The following KDM3A variants were observed in gnomAD, a reference collection of about 807,000 sequenced individuals.
The protein encoded by KDM3A is lysine demethylase 3A, also known as lysine-specific demethylase 3A.
Under a neutral mutation model 158.0 loss-of-function variants are expected in KDM3A, and 60 were observed. The observed-to-expected ratio is 0.38, with a 90% CI of 0.31 to 0.47. The LOEUF (loss-of-function observed/expected upper bound fraction) is 0.47. Among genes scored for constraint, KDM3A ranks in the 20% least tolerant of loss-of-function variants. KDM3A has a pLI of 0.99. For synonymous variants in KDM3A, 608 were observed against 549.3 expected, an observed-to-expected ratio of 1.11 and a Z score of -1.49; for missense variants, 1,319 against 1,574.3, an observed-to-expected ratio of 0.84 and a Z score of 2.74.
chr2:86,460,510 TG>T (rs1394735717), intron 8 of KDM3A, among the ~76,000 whole-genome samples: 2 of 152,210 alleles, frequency 1.3e-5, no homozygotes, highest in Non-Finnish European at 2.9e-5. Context: ...TGTGTTGGAC[TG>T]GCACTTTTAG....
chr2:86,449,241 T>C (rs1453437010), intron 2 of KDM3A, among the ~76,000 whole-genome samples: 1 of 152,218 alleles, frequency 6.6e-6, no homozygotes, highest in East Asian at 1.9e-4. Flanking sequence ...ACAAGTAGTT[T>C]AAGACTCCAA....
At position 86,458,184 on chromosome 2, in the gene KDM3A, C is replaced by T. The variant is rs1436029408; in HGVS notation, c.843+1113C>T. 3.3e-5 allele frequency among the ~76,000 whole-genome samples: 5 copies of T among 152,142 alleles called. No homozygotes were observed. In the East Asian group the frequency reaches 9.6e-4, roughly 29 times the overall value. On this transcript the variant is annotated intron_variant, in intron 8 of 25. Transcript: ENST00000312912. The stretch of plus-strand genomic sequence containing the variant: ...TTAAGGGCAGACTGGACTACAGCAT[C>T]GACTAGAACCAAAGCTAGCACTGTG...
At position 86,478,222 on chromosome 2, in the gene KDM3A, T is replaced by C. The variant is rs774425944; in HGVS notation, c.2145T>C (p.His715=). 6.2e-7 allele frequency: 1 copy of C among 1,614,074 alleles called. No homozygotes were observed. Among genetic ancestry groups the C allele is most frequent in the Non-Finnish European group, 8.5e-7 (1 of 1,179,896 alleles). The stretch of plus-strand genomic sequence containing the variant: ...TAAAATGTGTGAAGAGTCAGATACA[T>C]GAACCAGAGAACTTAATGCCCACAC... ...SWLKCVKSQI[H]EPENLMPTQI... is the part of the protein sequence containing the mutation. Residue 715 remains histidine (H), a synonymous_variant, in exon 14 of 26, where the codon CAT becomes CAC. Coordinates refer to ENST00000312912, the MANE Select transcript of KDM3A (RefSeq NM_018433.6).
rs547724608 is a variant in KDM3A at position 86,441,981 on chromosome 2, G to C, written c.-30-37G>C. ...GTCTCCGCCCGGCCCCCTCCCACCG[G>C]CCGCCCCCGTCGCATTTTGTTTTTG... On this transcript the variant is annotated intron_variant, in intron 1 of 25. Transcript: ENST00000312912. 5 of 1,555,930 alleles carry C rather than the reference G, an allele frequency of 3.2e-6. No individual in the cohort carries two copies. The South Asian group carries it at 5.6e-5, about 17-fold the overall frequency.
intron 12 of KDM3A, 64 bp downstream of exon 12, chr2:86,475,054 C>T (rs1346465457): frequency 1.5e-5 from 19 of 1,279,666 alleles, no homozygotes; most frequent in Non-Finnish European, 2.1e-5. Flanking sequence ...CTAAGTGACA[C>T]CTAAGTCCTA....
At chr2:86,461,660 A>C (rs1672936250) in intron 8 of KDM3A, among the ~76,000 whole-genome samples, 1 of 152,218 alleles carries the variant, frequency 6.6e-6, no homozygotes, top group Non-Finnish European at 1.5e-5. Flanking sequence ...GAAAAATGAT[A>C]AAGAGTAAGG....
Position 86,489,454 on chromosome 2 carries a change from A to G in KDM3A, c.3433+17A>G. The G allele has an allele frequency of 1.9e-6, 3 of 1,613,164 alleles. No homozygotes were observed. Among genetic ancestry groups the G allele is most frequent in the Non-Finnish European group, 2.5e-6 (3 of 1,179,612 alleles). On this transcript the variant is annotated intron_variant, in intron 22 of 25. Transcript: ENST00000312912. ...AAGAAGAAGGTAGGGTGCTGAGCAT[A>G]AAAGGAGGGCTTACTCTTTGAGCCA...
At chr2:86,481,738 G>C (rs903011309) in intron 16 of KDM3A, among the ~76,000 whole-genome samples, 192 bp from the exon 17 acceptor site, 1 of 152,106 alleles carries the variant, frequency 6.6e-6, no homozygotes, top group Non-Finnish European at 1.5e-5. Flanking sequence ...CCATTGTACT[G>C]GATAGTTATT....
chr2:86,482,240 G>C (rs560745771), intron 17 of KDM3A, 138 bp downstream of exon 17: 1 of 1,186,844 alleles, frequency 8.4e-7, no homozygotes, highest in African/African-American at 1.5e-5. Context: ...TGAGTCACTG[G>C]AGGATGGGTT....
intron 8 of KDM3A, among the ~76,000 whole-genome samples, chr2:86,462,199 G>A (rs1672959343): frequency 6.8e-6 from 1 of 146,874 alleles, no homozygotes; most frequent in Non-Finnish European, 1.5e-5. Flanking sequence ...ATTAGATGGA[G>A]GGTTTTTTTT....
intron 9 of KDM3A, among the ~76,000 whole-genome samples, chr2:86,464,760 A>G (rs1485382042): frequency 6.6e-6 from 1 of 152,258 alleles, no homozygotes; most frequent in Admixed American, 6.5e-5. Context: ...AGTAGGTACA[A>G]GGTTGACAGA....
chr2:86,489,716 C>G, intron 23 of KDM3A, 57 bp downstream of exon 23: 1 of 1,541,246 alleles, frequency 6.5e-7, no homozygotes, highest in South Asian at 1.2e-5. Flanking sequence ...TATTATGTTA[C>G]TACATGTGGT....
intron 2 of KDM3A, among the ~76,000 whole-genome samples, chr2:86,447,288 CTTTTT>C (rs751507169): frequency 7.4e-6 from 1 of 135,660 alleles, no homozygotes; most frequent in African/African-American, 2.7e-5. Flanking sequence ...AGGAGGTAAA[CTTTTT>C]TTTTTTTTTT....
At chr2:86,439,027 A>G (rs1682544122), upstream of KDM3A, among the ~76,000 whole-genome samples, 1 of 151,870 alleles carries the variant, frequency 6.6e-6, no homozygotes, top group African/African-American at 2.4e-5. Context: ...TTTCGTTCAT[A>G]TGTGTGTGGG....
At chr2:86,485,501 C>A (rs545067812) in intron 20 of KDM3A, among the ~76,000 whole-genome samples, 1 of 152,306 alleles carries the variant, frequency 6.6e-6, no homozygotes, top group Non-Finnish European at 1.5e-5. Context: ...TTGCTGAGAT[C>A]TTTTGTCTGA....
At position 86,455,193 on chromosome 2, in the gene KDM3A, T is replaced by C. The variant is rs749048694; in HGVS notation, c.556+6T>C. On this transcript the variant is annotated splice_donor_region_variant and intron_variant, in intron 5 of 25. Coordinates refer to ENST00000312912, the MANE Select transcript of KDM3A (RefSeq NM_018433.6). ...TGAAAGCCATCTTTTAAAAGGTATA[T>C]GCATTATCTAGTGGTGATAGTTCAC... is the stretch of plus-strand genomic sequence containing the variant. The C allele has an allele frequency of 7.4e-6, 11 of 1,486,756 alleles. 1 individual carries two copies. In the East Asian group the frequency reaches 2.5e-4, roughly 34 times the overall value. The allele number at this position is 1,486,756 out of a possible 1,614,324, so 92.1% of individuals were successfully genotyped here.
At chr2:86,467,778 T>C (rs1439986134) in intron 10 of KDM3A, among the ~76,000 whole-genome samples, 5 of 152,208 alleles carry the variant, frequency 3.3e-5, no homozygotes, top group African/African-American at 1.2e-4. Context: ...CCTAATACTT[T>C]GGGAGACCAC....
intron 15 of KDM3A, 154 bp from the exon 16 acceptor site, chr2:86,480,013 T>C: frequency 1.6e-6 from 1 of 626,792 alleles, no homozygotes; most frequent in Non-Finnish European, 2.8e-6. Flanking sequence ...TAGTGCGGGA[T>C]TACTGCAGCT....
At chr2:86,446,618 G>A (rs186795177) in intron 2 of KDM3A, among the ~76,000 whole-genome samples, 2 of 152,254 alleles carry the variant, frequency 1.3e-5, no homozygotes, top group Admixed American at 6.5e-5. Flanking sequence ...TCTGAGGCAC[G>A]AGAATCACCT....
Sources: allele counts gnomAD v4.1 joint callset (sites outside exome capture counted in the v4.1 genomes callset), GRCh38; gene constraint gnomAD v4.1.1; transcripts MANE v1.5; gene names NCBI Gene and HGNC (gene_info 2026-07-23, HGNC 2026-07-21).